Variants in SCFD1 observed in about 807,000 individuals in gnomAD.
The protein encoded by SCFD1 is sec1 family domain containing 1, also known as sec1 family domain-containing protein 1.
SCFD1 carries 37 observed loss-of-function variants against 103.2 expected under a neutral mutation model. The observed-to-expected ratio is 0.36, with a 90% CI of 0.28 to 0.47. SCFD1 has a LOEUF of 0.47. SCFD1 is among the 20% of genes least tolerant of loss of function. SCFD1 has a pLI of 1.00. For synonymous variants in SCFD1, 264 were observed against 245.0 expected (o/e 1.08, Z -0.73); for missense variants, 639 against 761.2 (o/e 0.84, Z 1.89).
intron 10 of SCFD1, among the ~76,000 whole-genome samples, chr14:30,660,983 G>C (rs1270637706): frequency 6.6e-6 from 1 of 152,124 alleles, no homozygotes; most frequent in Non-Finnish European, 1.5e-5. Flanking sequence ...GTTCCTTTGA[G>C]TAACAAATAG....
At chr14:30,671,904 T>G (rs1287719870) in intron 11 of SCFD1, among the ~76,000 whole-genome samples, 2 of 151,806 alleles carry the variant, frequency 1.3e-5, no homozygotes, top group Non-Finnish European at 2.9e-5. Context: ...CATTGAATAG[T>G]TAAGTTATGA....
chr14:30,714,789 A>G (rs1892159429), intron 19 of SCFD1, among the ~76,000 whole-genome samples: 1 of 152,272 alleles, frequency 6.6e-6, no homozygotes, highest in Non-Finnish European at 1.5e-5. Context: ...AATAGATACA[A>G]GACTGTTCTC....
Position 30,722,487 on chromosome 14 carries a change from A to G in SCFD1, c.1771-7A>G. 1 of 1,575,482 alleles carries G rather than the reference A, an allele frequency of 6.3e-7. No homozygotes were observed. Among genetic ancestry groups the G allele is most frequent in the Non-Finnish European group, 8.6e-7 (1 of 1,158,686 alleles). Reference sequence around the variant, plus strand: ...GTTTTTTTTTTTTTAATCTGTTTGCATTTTAGGCCATTGTTTTTGTGGTGG... The same window carrying G: ...GTTTTTTTTTTTTTAATCTGTTTGCGTTTTAGGCCATTGTTTTTGTGGTGG... On this transcript the variant is annotated splice_region_variant and splice_polypyrimidine_tract_variant and intron_variant, in intron 22 of 24. Coordinates refer to ENST00000458591, the MANE Select transcript of SCFD1 (RefSeq NM_016106.4).
Position 30,633,933 on chromosome 14 carries a change from C to G in SCFD1, c.222-14C>G, listed in dbSNP as rs773423678. 8.0e-6 allele frequency: 12 copies of G among 1,503,976 alleles called. No homozygotes were observed. The East Asian group carries it at 2.1e-4, about 26-fold the overall frequency. 93.2% of individuals were successfully genotyped at this position (1,503,976 alleles called of 1,614,324 possible). ...TGAATAAAAAAATAAGTTTTAGTTC[C>G]TTATGTCTTCTAGGCTTTTACACTC... is the stretch of plus-strand genomic sequence containing the variant. On this transcript the variant is annotated splice_polypyrimidine_tract_variant and intron_variant, in intron 3 of 24. Transcript: ENST00000458591.
chr14:30,653,194 C>T (rs1269881827), intron 9 of SCFD1, among the ~76,000 whole-genome samples: 3 of 151,840 alleles, frequency 2.0e-5, no homozygotes, highest in African/African-American at 7.3e-5. Flanking sequence ...CCAGCTACTC[C>T]AGAAACCAAG....
intron 10 of SCFD1, among the ~76,000 whole-genome samples, chr14:30,654,989 T>C (rs896106537): frequency 1.3e-5 from 2 of 152,182 alleles, no homozygotes; most frequent in African/African-American, 4.8e-5. Flanking sequence ...AATATTTGAG[T>C]GCCTACTCTT....
At chr14:30,735,511 T>C in intron 24 of SCFD1, 75 bp from the exon 25 acceptor site, 1 of 1,027,106 alleles carries the variant, frequency 9.7e-7, no homozygotes, top group Non-Finnish European at 1.5e-6. Flanking sequence ...TATTAAGGGG[T>C]TTACAAATAT....
chr14:30,705,869 A>G lies in SCFD1; in HGVS notation c.1537A>G (p.Thr513Ala). Residue 513 changes from threonine to alanine, a missense_variant, in exon 18 of 25, where the codon ACC (threonine) becomes GCC (alanine). By Grantham distance (58) the Thr-to-Ala change is moderately conservative (BLOSUM62 0). Coordinates refer to ENST00000458591, the MANE Select transcript of SCFD1 (RefSeq NM_016106.4). The stretch of plus-strand genomic sequence containing the variant: ...AGCTCCGGCCAGCTATGGCAGCACT[A>G]CCACTAAACCAATGGGGTAAGTATT... ...ASAPASYGST[T>A]TKPMGLLSRV... is the part of the protein sequence containing the mutation. 1.2e-6 allele frequency: 2 copies of G among 1,613,222 alleles called. No homozygotes were observed. Among genetic ancestry groups the G allele is most frequent in the Non-Finnish European group, 8.5e-7 (1 of 1,179,302 alleles).
intron 14 of SCFD1, chr14:30,675,308 T>TA: frequency 3.3e-6 from 1 of 301,828 alleles, no homozygotes; most frequent in East Asian, 5.8e-5. Context: ...ATATTTCTAT[T>TA]ATATTGCACT....
chr14:30,657,984 A>G, intron 10 of SCFD1: 1 of 403,686 alleles, frequency 2.5e-6, no homozygotes, highest in Non-Finnish European at 4.8e-6. Context: ...AAAAAAAAGA[A>G]AAAGCAACTT....
intron 18 of SCFD1, among the ~76,000 whole-genome samples, chr14:30,707,204 G>T (rs1290169725): frequency 6.6e-6 from 1 of 152,152 alleles, no homozygotes; most frequent in Admixed American, 6.5e-5. Flanking sequence ...TGATAAATAT[G>T]TTATAAGAAG....
chr14:30,725,505 G>C (rs1892981267), intron 23 of SCFD1, among the ~76,000 whole-genome samples: 2 of 152,046 alleles, frequency 1.3e-5, no homozygotes, highest in South Asian at 4.1e-4. Context: ...TGTTGTATAG[G>C]CATGCTAGTG....
intron 1 of SCFD1, among the ~76,000 whole-genome samples, chr14:30,625,070 A>G (rs577771324): frequency 6.6e-6 from 1 of 152,118 alleles, no homozygotes; most frequent in South Asian, 2.1e-4. Context: ...TCTACATACC[A>G]TATGTTTTAC....
intron 5 of SCFD1, among the ~76,000 whole-genome samples, chr14:30,638,950 T>A (rs1421362038): frequency 1.3e-5 from 2 of 152,236 alleles, no homozygotes; most frequent in Admixed American, 1.3e-4. Context: ...AGATTTTTCA[T>A]TGTTAGAGTT....
chr14:30,635,085 G>A (rs956224505), intron 4 of SCFD1: 1 of 392,762 alleles, frequency 2.5e-6, no homozygotes, highest in Non-Finnish European at 5.0e-6. Context: ...ATTGACTGTT[G>A]AATCAAATTG....
intron 1 of SCFD1, among the ~76,000 whole-genome samples, chr14:30,627,277 T>C (rs1032061505): frequency 1.4e-4 from 21 of 152,346 alleles, no homozygotes; most frequent in African/African-American, 4.8e-4. Context: ...TTATCAGTTA[T>C]CTACTATATG....
At chr14:30,723,977 T>C (rs1319812343) in intron 23 of SCFD1, among the ~76,000 whole-genome samples, 1 of 148,916 alleles carries the variant, frequency 6.7e-6, no homozygotes, top group African/African-American at 2.5e-5. Context: ...CACCACACTG[T>C]CTTCCACAAT....
chr14:30,721,349 G>GA (rs1420199864), intron 21 of SCFD1, among the ~76,000 whole-genome samples: 5 of 152,038 alleles, frequency 3.3e-5, no homozygotes, highest in Non-Finnish European at 7.4e-5. Flanking sequence ...CAAAAGCTTT[G>GA]AAAAATGTCT....
chr14:30,646,126 A>G (rs1453274924), intron 7 of SCFD1, among the ~76,000 whole-genome samples: 1 of 152,132 alleles, frequency 6.6e-6, no homozygotes, highest in African/African-American at 2.4e-5. Context: ...CCTGGATTCA[A>G]GCAATTCTGC....
Sources: allele counts gnomAD v4.1 joint callset (sites outside exome capture counted in the v4.1 genomes callset), GRCh38; gene constraint gnomAD v4.1.1; transcripts MANE v1.5; gene names NCBI Gene and HGNC (gene_info 2026-07-23, HGNC 2026-07-21).